The following EFCAB8 variants were observed in gnomAD, a reference collection of about 807,000 sequenced individuals.
The protein encoded by EFCAB8 is EF-hand calcium-binding domain-containing protein 8.
EFCAB8 carries 100 observed loss-of-function variants against 116.3 expected under a neutral mutation model. That is an observed-to-expected ratio of 0.86 (90% CI 0.73 to 1.02). The LOEUF (loss-of-function observed/expected upper bound fraction) is 1.02. EFCAB8 is among the 50% of genes least tolerant of loss of function. The probability of loss-of-function intolerance (pLI) is 0.00; values close to 1 mark genes in which losing one functional copy is unlikely to be tolerated. For synonymous variants in EFCAB8, 558 were observed against 567.9 expected (o/e 0.98, Z 0.25); for missense variants, 1,320 against 1,416.9 (o/e 0.93, Z 1.10).
chr20:32,934,261 G>A (rs1988020199), intron 22 of EFCAB8, among the ~76,000 whole-genome samples: 1 of 149,612 alleles, frequency 6.7e-6, no homozygotes, highest in South Asian at 2.1e-4. Context: ...ATTAATCTAT[G>A]TTGTCCCAAA....
rs553282449 is a variant in EFCAB8 at position 32,922,671 on chromosome 20, G to A, written c.2412+2456G>A. The stretch of plus-strand genomic sequence containing the variant: ...TAGGCTGGTCAGGGAGGGCTTCACA[G>A]AGGAGGTGGCATCTGCATAGAGCCT... On this transcript the variant is annotated intron_variant, in intron 20 of 26. Transcript: ENST00000400522. Among the ~76,000 whole-genome samples the A allele has an allele frequency of 2.0e-5, 3 of 152,300 alleles. No homozygotes were observed. The East Asian group carries it at 5.8e-4, about 29-fold the overall frequency.
chr20:32,907,873 G>A (rs866288949), intron 13 of EFCAB8, among the ~76,000 whole-genome samples: 12 of 152,166 alleles, frequency 7.9e-5, no homozygotes, highest in South Asian at 4.1e-4. Context: ...GGCCCCTCTG[G>A]GGACAGGCAG....
At chr20:32,881,160 T>C (rs1362349227) in intron 5 of EFCAB8, among the ~76,000 whole-genome samples, 1 of 152,246 alleles carries the variant, frequency 6.6e-6, no homozygotes, top group Non-Finnish European at 1.5e-5. Context: ...CTCAGGCATC[T>C]GGAATCATTG....
chr20:32,869,239 A>ATT (rs558913991), intron 3 of EFCAB8, among the ~76,000 whole-genome samples: 214 of 144,430 alleles, frequency 1.5e-3, no homozygotes, highest in African/African-American at 5.0e-3. Flanking sequence ...GGGTGTTGCA[A>ATT]TTTTTTTTTT....
chr20:32,868,984 C>CA (rs959472907), intron 3 of EFCAB8, among the ~76,000 whole-genome samples: 142 of 142,114 alleles, frequency 1.0e-3, no homozygotes, highest in African/African-American at 2.3e-3. Context: ...GACTCCATCT[C>CA]AAAAAAAAAA....
At chr20:32,921,361 T>TGTGTG (rs1987442294) in intron 20 of EFCAB8, among the ~76,000 whole-genome samples, 1 of 129,162 alleles carries the variant, frequency 7.7e-6, no homozygotes, top group Non-Finnish European at 1.6e-5. Context: ...CCCAGCTATT[T>TGTGTG]TGTGTGTGTG....
intron 4 of EFCAB8, among the ~76,000 whole-genome samples, chr20:32,876,766 A>G (rs934769329): frequency 2.6e-5 from 4 of 152,168 alleles, no homozygotes; most frequent in Non-Finnish European, 4.4e-5. Flanking sequence ...CAGGAGTTCA[A>G]GACCAGCCTG....
At chr20:32,907,977 G>C (rs1050957507) in intron 13 of EFCAB8, among the ~76,000 whole-genome samples, 3 of 152,330 alleles carry the variant, frequency 2.0e-5, no homozygotes, top group Admixed American at 6.5e-5. Context: ...TGTGCTGCCT[G>C]GCTTGGCTTT....
intron 16 of EFCAB8, among the ~76,000 whole-genome samples, chr20:32,912,177 C>T (rs1181813250): frequency 6.6e-6 from 1 of 152,150 alleles, no homozygotes; most frequent in Non-Finnish European, 1.5e-5. Flanking sequence ...TGGCTCACGC[C>T]TGTAATCTCA....
chr20:32,861,741 G>A (rs568295078), intron 1 of EFCAB8, among the ~76,000 whole-genome samples: 13 of 152,204 alleles, frequency 8.5e-5, no homozygotes, highest in Admixed American at 3.3e-4. Context: ...TCAAAAGATC[G>A]CCATGAACCC....
chr20:32,867,766 C>G lies in EFCAB8; in HGVS notation c.208+19C>G. On this transcript the variant is annotated intron_variant, in intron 3 of 26. Transcript: ENST00000400522. ...ACTGGAGGTAAGGCCGCTCTGTAGG[C>G]TCGGTTTTTGTGTGAGTTCTGCAAC... 2 of 1,548,508 alleles carry G rather than the reference C, an allele frequency of 1.3e-6. No homozygotes were observed. Among genetic ancestry groups the G allele is most frequent in the Middle Eastern group, 1.8e-4 (1 of 5,442 alleles).
chr20:32,870,151 C>T (rs1047229373), intron 3 of EFCAB8, among the ~76,000 whole-genome samples: 17 of 152,278 alleles, frequency 1.1e-4, no homozygotes, highest in Admixed American at 2.0e-4. Context: ...CTCCAGTTTA[C>T]GAACGAGTAA....
intron 3 of EFCAB8, among the ~76,000 whole-genome samples, chr20:32,874,219 C>T (rs981858445): frequency 6.6e-6 from 1 of 152,010 alleles, no homozygotes; most frequent in East Asian, 1.9e-4. Flanking sequence ...TTGCTTCCAG[C>T]CTTTATTTTA....
chr20:32,922,517 A>G (rs1987502012), intron 20 of EFCAB8, among the ~76,000 whole-genome samples: 1 of 152,198 alleles, frequency 6.6e-6, no homozygotes, highest in Admixed American at 6.5e-5. Flanking sequence ...TTGGGGCAAG[A>G]TAGACAATTA....
Position 32,909,796 on chromosome 20 carries a change from T to C in EFCAB8, c.1447-25T>C, listed in dbSNP as rs1037249461. On this transcript the variant is annotated intron_variant, in intron 14 of 26. Coordinates refer to ENST00000400522, the MANE Select transcript of EFCAB8 (RefSeq NM_001143967.2). ...AGCAGAGCCCTTCTGACAGACAAGC[T>C]CTCTGCCCCTTTCCTCACCTACAGA... 6.8e-5 allele frequency: 81 copies of C among 1,185,752 alleles called. No homozygotes were observed. In the African/African-American group the frequency reaches 9.0e-4, roughly 13 times the overall value. The allele number at this position is 1,185,752 out of a possible 1,614,324, so 73.5% of individuals were successfully genotyped here. A position where few individuals can be genotyped will look rare whatever the true frequency, so the allele number is the denominator to read the frequency against.
Position 32,906,998 on chromosome 20 carries a change from C to A in EFCAB8, c.1308+4C>A, listed in dbSNP as rs1225384964. ...CATCAGTGTCTCCAAGGACAAGGTC[C>A]GCCCCGACGGTCCGCCTGACTCCTT... On this transcript the variant is annotated splice_donor_region_variant and intron_variant, in intron 13 of 26. Transcript: ENST00000400522. The A allele has an allele frequency of 1.3e-6, 2 of 1,500,322 alleles. No individual in the cohort carries two copies. The highest frequency in any genetic ancestry group is 2.8e-5 in the African/African-American group (2 of 71,924). The allele number at this position is 1,500,322 out of a possible 1,614,324, so 92.9% of individuals were successfully genotyped here.
rs750415477 is a variant in EFCAB8, at chr20:32,918,501, G to A, written c.2201G>A (p.Arg734Gln). 16 of 1,551,596 alleles carry A rather than the reference G, an allele frequency of 1.0e-5. No individual in the cohort carries two copies. Among genetic ancestry groups the A allele is most frequent in the Admixed American group, 5.9e-5 (3 of 50,980 alleles). The change falls in exon 19 of 27, where the codon CGG becomes CAG. Residue 734 changes from arginine to glutamine, a missense_variant. Coordinates refer to ENST00000400522, the MANE Select transcript of EFCAB8 (RefSeq NM_001143967.2). ...TCTGTGGCCAATACCAACCTGAGGC[G>A]GAGCCTGGTGTCGGCTCCCCCAGTG... is the stretch of plus-strand genomic sequence containing the variant. ...PESVANTNLR[R>Q]SLVSAPPVMR...
intron 16 of EFCAB8, among the ~76,000 whole-genome samples, chr20:32,912,443 A>AG (rs1160899378): frequency 3.1e-5 from 4 of 130,176 alleles, no homozygotes; most frequent in Non-Finnish European, 4.9e-5. Flanking sequence ...AAAAAAAAAA[A>AG]AAGAAGAAGA....
At chr20:32,915,405 T>C (rs1987139205) in intron 17 of EFCAB8, among the ~76,000 whole-genome samples, 1 of 152,230 alleles carries the variant, frequency 6.6e-6, no homozygotes, top group African/African-American at 2.4e-5. Flanking sequence ...TTCTTTGCCA[T>C]TTTGTAACAA....
Sources: allele counts gnomAD v4.1 joint callset (sites outside exome capture counted in the v4.1 genomes callset), GRCh38; gene constraint gnomAD v4.1.1; transcripts MANE v1.5; gene names NCBI Gene and HGNC (gene_info 2026-07-23, HGNC 2026-07-21).